GNB4: variants seen among roughly 807,000 people sequenced by gnomAD.
GNB4 encodes G protein subunit beta 4, also known as guanine nucleotide-binding protein subunit beta-4.
GNB4 carries 28 observed loss-of-function variants against 45.2 expected under a neutral mutation model. The ratio of observed to expected loss-of-function variants is 0.62; its 90% confidence interval spans 0.46 to 0.85. The LOEUF is 0.85. Ranked by LOEUF, GNB4 falls within the 40% of genes least tolerant of loss-of-function variation. GNB4 has a pLI of 0.00. For missense variants in GNB4, 321 were observed against 425.4 expected, an observed-to-expected ratio of 0.75 and a Z score of 2.16; for synonymous variants, 132 against 143.7, an observed-to-expected ratio of 0.92 and a Z score of 0.58.
rs11711668 is a variant in GNB4, at chr3:179,410,058, G to A, written c.699+3354C>T. ...TTATAAGGGGCTTCCCCCTTCGCTC[G>A]GCACTCATTCTCTCTCCTGCTGCCC... is the stretch of plus-strand genomic sequence containing the variant. On this transcript the variant is annotated intron_variant, in intron 8 of 9. Coordinates refer to ENST00000232564, the MANE Select transcript of GNB4 (RefSeq NM_021629.4). Among the ~76,000 whole-genome samples the A allele has an allele frequency of 7.3e-3, 1,107 of 152,138 alleles. 5 individuals are homozygous for A. The highest frequency in any genetic ancestry group is 0.012 in the Non-Finnish European group (803 of 68,000).
the GNB4 span, among the ~76,000 whole-genome samples, chr3:179,488,440 G>A: frequency 6.6e-6 from 1 of 152,100 alleles, no homozygotes; most frequent in East Asian, 1.9e-4. Context: ...TTCAGCATAA[G>A]TTCCTATTCC....
intron 1 of GNB4, among the ~76,000 whole-genome samples, chr3:179,439,222 G>A (rs1269428538): frequency 3.3e-5 from 5 of 152,128 alleles, no homozygotes; most frequent in Non-Finnish European, 5.9e-5. Context: ...GTTTAACATC[G>A]TGTGATTGGA....
At chr3:179,462,174 A>ATGTGTG in the GNB4 span, among the ~76,000 whole-genome samples, 64 of 150,478 alleles carry the variant, frequency 4.3e-4, no homozygotes, top group South Asian at 6.3e-4. Context: ...GTGTGTGCAC[A>ATGTGTG]TGTGTGTGTG....
At chr3:179,413,887 A>C (rs1484252382) in intron 6 of GNB4, 106 bp from the exon 7 acceptor site, 1 of 825,252 alleles carries the variant, frequency 1.2e-6, no homozygotes, top group African/African-American at 1.7e-5. Context: ...TTGGGCAACA[A>C]GTGTTTGTCA....
the GNB4 span, among the ~76,000 whole-genome samples, chr3:179,506,510 C>T: frequency 1.3e-5 from 2 of 151,908 alleles, no homozygotes; most frequent in African/African-American, 4.8e-5. Context: ...AGGAGAAATA[C>T]ACATAAATTA....
the GNB4 span, among the ~76,000 whole-genome samples, chr3:179,497,572 C>T: frequency 5.9e-3 from 895 of 152,138 alleles, 14 homozygotes; most frequent in African/African-American, 0.02. Context: ...GGCAACCTAT[C>T]GGATGGGAGA....
chr3:179,418,992 G>A (rs1714897235), intron 4 of GNB4, among the ~76,000 whole-genome samples: 1 of 152,242 alleles, frequency 6.6e-6, no homozygotes, highest in African/African-American at 2.4e-5. Flanking sequence ...TTTGTTTCAT[G>A]TAATTTCCAT....
the GNB4 span, among the ~76,000 whole-genome samples, chr3:179,518,241 A>G: frequency 1.3e-5 from 2 of 152,140 alleles, no homozygotes; most frequent in South Asian, 4.1e-4. Flanking sequence ...AGTAGTTCCA[A>G]ATAGCCAGAA....
the GNB4 span, among the ~76,000 whole-genome samples, chr3:179,476,015 T>A: frequency 6.6e-6 from 1 of 152,306 alleles, no homozygotes; most frequent in South Asian, 2.1e-4. Flanking sequence ...CCCAAAAGGT[T>A]TTAACTTGTT....
At chr3:179,436,039 T>C (rs1211659912) in intron 1 of GNB4, among the ~76,000 whole-genome samples, 6 of 152,214 alleles carry the variant, frequency 3.9e-5, no homozygotes, top group African/African-American at 1.2e-4. Flanking sequence ...AGCTACTAAG[T>C]TTCATACCAA....
chr3:179,434,061 C>A (rs964790135), intron 1 of GNB4, among the ~76,000 whole-genome samples: 1 of 152,204 alleles, frequency 6.6e-6, no homozygotes, highest in African/African-American at 2.4e-5. Context: ...AATTTGGCAA[C>A]ATCTAACAAA....
chr3:179,510,132 C>CTT, the GNB4 span, among the ~76,000 whole-genome samples: 3 of 148,766 alleles, frequency 2.0e-5, no homozygotes, highest in Admixed American at 6.7e-5. Context: ...GCCCAGGCTT[C>CTT]TTTTTTTTTT....
At chr3:179,472,935 G>A in the GNB4 span, among the ~76,000 whole-genome samples, 5 of 152,096 alleles carry the variant, frequency 3.3e-5, no homozygotes, top group Non-Finnish European at 7.4e-5. Flanking sequence ...AGGCCAAGGC[G>A]GGCAGATCAC....
At chr3:179,503,473 T>C in the GNB4 span, among the ~76,000 whole-genome samples, 1 of 152,262 alleles carries the variant, frequency 6.6e-6, no homozygotes, top group African/African-American at 2.4e-5. Context: ...TTCCAATTAT[T>C]AACTACATCA....
chr3:179,431,505 G>A (rs1420228252), intron 1 of GNB4, among the ~76,000 whole-genome samples: 1 of 149,918 alleles, frequency 6.7e-6, no homozygotes, highest in Non-Finnish European at 1.5e-5. Context: ...GCTGCAGTGA[G>A]CTGAGATTGC....
chr3:179,447,761 C>G (rs1316021671), intron 1 of GNB4, among the ~76,000 whole-genome samples: 2 of 152,092 alleles, frequency 1.3e-5, no homozygotes, highest in Non-Finnish European at 2.9e-5. Flanking sequence ...GTCCAATCTG[C>G]AGTGATTTTG....
chr3:179,526,928 G>A, the GNB4 span, among the ~76,000 whole-genome samples: 1 of 152,108 alleles, frequency 6.6e-6, no homozygotes, highest in Non-Finnish European at 1.5e-5. Context: ...ATATATGAAC[G>A]GTACAAATGG....
chr3:179,526,566 C>T, the GNB4 span, among the ~76,000 whole-genome samples: 2 of 152,170 alleles, frequency 1.3e-5, no homozygotes, highest in African/African-American at 4.8e-5. Context: ...ACACTTTGGA[C>T]CCTGGAAGGC....
At chr3:179,494,662 C>T in the GNB4 span, among the ~76,000 whole-genome samples, 1 of 151,928 alleles carries the variant, frequency 6.6e-6, no homozygotes, top group Non-Finnish European at 1.5e-5. Flanking sequence ...GTAATCCCAG[C>T]ACTTTGGGAG....
Sources: allele counts gnomAD v4.1 joint callset (sites outside exome capture counted in the v4.1 genomes callset), GRCh38; gene constraint gnomAD v4.1.1; transcripts MANE v1.5; gene names NCBI Gene and HGNC (gene_info 2026-07-23, HGNC 2026-07-21).